MIB1: variants seen among roughly 807,000 people sequenced by gnomAD.
The protein encoded by MIB1 is E3 ubiquitin-protein ligase MIB1.
MIB1 carries 278 observed loss-of-function variants against 124.5 expected under a neutral mutation model. The ratio of observed to expected loss-of-function variants is 2.23; its 90% CI spans 2.02 to 2.47. The LOEUF (loss-of-function observed/expected upper bound fraction) is 2.47. Among genes scored for constraint, MIB1 ranks in the 30% most tolerant of loss-of-function variants. The pLI is 0.00. For synonymous variants in MIB1, 446 were observed against 429.4 expected (o/e 1.04, Z -0.48); for missense variants, 957 against 1,254.4 (o/e 0.76, Z 3.58).
intron 16 of MIB1, among the ~76,000 whole-genome samples, chr18:21,848,332 C>T (rs1019745638): frequency 1.3e-5 from 2 of 151,974 alleles, no homozygotes; most frequent in South Asian, 2.1e-4. Context: ...CCTATAATCC[C>T]AGCTACTTGG....
At chr18:21,843,833 G>A (rs953108646) in intron 14 of MIB1, among the ~76,000 whole-genome samples, 2 of 152,110 alleles carry the variant, frequency 1.3e-5, no homozygotes, top group South Asian at 4.1e-4. Flanking sequence ...CATCATCTTA[G>A]AGTAGATGAA....
chr18:21,820,053 A>T (rs531371953), intron 12 of MIB1, among the ~76,000 whole-genome samples: 57 of 152,302 alleles, frequency 3.7e-4, no homozygotes, highest in African/African-American at 1.3e-3. Context: ...CCTTATTAAT[A>T]ATGTAATTAG....
At chr18:21,767,053 A>G (rs576767825) in intron 2 of MIB1, among the ~76,000 whole-genome samples, 6 of 152,340 alleles carry the variant, frequency 3.9e-5, no homozygotes, top group African/African-American at 1.4e-4. Flanking sequence ...ATCAAGGTTC[A>G]TAATCTTCTG....
chr18:21,834,507 A>G (rs943731045), intron 12 of MIB1, among the ~76,000 whole-genome samples: 1 of 152,296 alleles, frequency 6.6e-6, no homozygotes, highest in Admixed American at 6.5e-5. Flanking sequence ...GAAGAACACT[A>G]CTTCAGCCAG....
intron 11 of MIB1, among the ~76,000 whole-genome samples, chr18:21,818,852 T>C (rs2041853930): frequency 6.6e-6 from 1 of 152,128 alleles, no homozygotes; most frequent in Non-Finnish European, 1.5e-5. Flanking sequence ...GGAGAATCGC[T>C]TGAAACCGGA....
At chr18:21,798,013 A>G (rs573493081) in intron 7 of MIB1, 71 bp from the exon 8 acceptor site, 3 of 1,462,278 alleles carry the variant, frequency 2.1e-6, no homozygotes, top group East Asian at 2.3e-5. Flanking sequence ...CTTTAAGCAT[A>G]TAAAAACTAG....
intron 1 of MIB1, among the ~76,000 whole-genome samples, chr18:21,764,592 G>A (rs2041134612): frequency 6.6e-6 from 1 of 151,994 alleles, no homozygotes; most frequent in Non-Finnish European, 1.5e-5. Flanking sequence ...ATTTAATTAT[G>A]GAAATGTTCT....
intron 1 of MIB1, among the ~76,000 whole-genome samples, chr18:21,714,405 G>T (rs1568174380): frequency 6.6e-6 from 1 of 151,598 alleles, no homozygotes; most frequent in African/African-American, 2.4e-5. Context: ...GAAATAGGTG[G>T]ATCCACAGAC....
Position 21,777,746 on chromosome 18 carries a change from C to T in MIB1, c.637-357C>T, listed in dbSNP as rs186916710. ...ATTTTTTTTGTATTTTTAGTGGAGACGGGGTTTCACCATGTTGGCCAGGCT... is the reference window on the plus strand; with the variant it reads ...ATTTTTTTTGTATTTTTAGTGGAGATGGGGTTTCACCATGTTGGCCAGGCT... On this transcript the variant is annotated intron_variant, in intron 4 of 20. Transcript: ENST00000261537. 3.4e-4 allele frequency among the ~76,000 whole-genome samples: 51 copies of T among 151,982 alleles called. No individual in the cohort carries two copies. The East Asian group carries it at 9.1e-3, about 27-fold the overall frequency.
intron 10 of MIB1, among the ~76,000 whole-genome samples, chr18:21,808,982 A>G (rs571586118): frequency 6.6e-6 from 1 of 152,300 alleles, no homozygotes; most frequent in Non-Finnish European, 1.5e-5. Context: ...GATTAGTAGT[A>G]GGGAACAATA....
chr18:21,778,279 G>C lies in MIB1; in HGVS notation c.703+110G>C, dbSNP rs45552034. ...AGTTAATTACCACTAAAGTTACTTA[G>C]AGAAAAAATTTTTTGGCTTTCCTTT... On this transcript the variant is annotated intron_variant, in intron 5 of 20. Transcript: ENST00000261537. 0.028 allele frequency: 20,130 copies of C among 713,504 alleles called. 382 individuals carry two copies. The highest frequency in any genetic ancestry group is 0.038 in the Non-Finnish European group (17,007 of 447,556). The allele number at this position is 713,504 out of a possible 1,614,324, so 44.2% of individuals were successfully genotyped here.
At chr18:21,834,311 T>G (rs1054263880) in intron 12 of MIB1, among the ~76,000 whole-genome samples, 91 of 152,290 alleles carry the variant, frequency 6.0e-4, no homozygotes, top group African/African-American at 2.2e-3. Context: ...TTATTATTTT[T>G]TTTTGAGGGG....
chr18:21,789,369 A>G (rs1042005482), intron 6 of MIB1, among the ~76,000 whole-genome samples: 1 of 151,994 alleles, frequency 6.6e-6, no homozygotes, highest in Non-Finnish European at 1.5e-5. Flanking sequence ...ACCCTAATCC[A>G]GTATGACCTC....
At chr18:21,788,154 T>C (rs961518886) in intron 6 of MIB1, among the ~76,000 whole-genome samples, 1 of 152,328 alleles carries the variant, frequency 6.6e-6, no homozygotes, top group Admixed American at 6.5e-5. Flanking sequence ...TTAATTTTAT[T>C]TGGGCCAAAA....
intron 1 of MIB1, among the ~76,000 whole-genome samples, chr18:21,743,838 T>TA (rs2040883178): frequency 6.6e-6 from 1 of 152,192 alleles, no homozygotes; most frequent in Non-Finnish European, 1.5e-5. Context: ...GACATTAATG[T>TA]TATCTATATG....
At chr18:21,825,179 C>A (rs1169993684) in intron 12 of MIB1, among the ~76,000 whole-genome samples, 2 of 152,026 alleles carry the variant, frequency 1.3e-5, no homozygotes, top group Non-Finnish European at 2.9e-5. Context: ...TCTTTTTCAC[C>A]TTACCTGCTA....
intron 1 of MIB1, among the ~76,000 whole-genome samples, chr18:21,748,547 A>C (rs561184364): frequency 2.0e-5 from 3 of 151,126 alleles, no homozygotes; most frequent in African/African-American, 7.3e-5. Context: ...TTCCCACCTC[A>C]GCCTTTTGAG....
intron 4 of MIB1, among the ~76,000 whole-genome samples, chr18:21,774,869 G>A (rs2146419330): frequency 6.6e-6 from 1 of 151,164 alleles, no homozygotes; most frequent in East Asian, 1.9e-4. Flanking sequence ...CTGGAATGCA[G>A]TGGCCTGAAT....
intron 18 of MIB1, among the ~76,000 whole-genome samples, chr18:21,856,262 A>G (rs2042227298): frequency 7.3e-6 from 1 of 137,432 alleles, no homozygotes; most frequent in Admixed American, 7.4e-5. Context: ...AACAAAAAAC[A>G]AAACAAAACA....
Sources: gnomAD v4.1 joint callset for allele counts (sites outside exome capture counted in the v4.1 genomes callset) on GRCh38, gnomAD v4.1.1 for gene constraint, MANE v1.5 for transcripts, NCBI Gene and HGNC (gene_info 2026-07-23, HGNC 2026-07-21) for gene names.